AADAT: variants seen among roughly 807,000 people sequenced by gnomAD.
The protein encoded by AADAT is aminoadipate aminotransferase.
Under a neutral mutation model 56.2 loss-of-function variants are expected in AADAT, and 25 were observed. The ratio of observed to expected loss-of-function variants is 0.44; its 90% confidence interval spans 0.32 to 0.62. The LOEUF is 0.62. Ranked by LOEUF, AADAT falls within the 20% of genes least tolerant of loss-of-function variation. The pLI, the probability that AADAT is intolerant of heterozygous loss-of-function variation, is 0.04. For synonymous variants in AADAT, 173 were observed against 164.7 expected, an observed-to-expected ratio of 1.05 and a Z score of -0.39; for missense variants, 387 against 510.5, an observed-to-expected ratio of 0.76 and a Z score of 2.33.
intron 3 of AADAT, 66 bp downstream of exon 3, chr4:170,087,050 C>G: frequency 6.3e-7 from 1 of 1,577,778 alleles, no homozygotes; most frequent in Non-Finnish European, 8.6e-7. Flanking sequence ...TGGTTAAGTG[C>G]GAGAGGACTA....
intron 5 of AADAT, among the ~76,000 whole-genome samples, chr4:170,072,523 T>C (rs1731825584): frequency 1.3e-5 from 2 of 152,176 alleles, no homozygotes; most frequent in Non-Finnish European, 2.9e-5. Context: ...GACTAAATTC[T>C]ATAGAGTTTA....
rs145059849 is a variant in AADAT at position 170,075,605 on chromosome 4, A to G, written c.445-2260T>C. Among the ~76,000 whole-genome samples the G allele has an allele frequency of 3.9e-3, 593 of 152,348 alleles. 3 individuals are homozygous for G. Among genetic ancestry groups the G allele is most frequent in the African/African-American group, 0.013 (558 of 41,578 alleles). On this transcript the variant is annotated intron_variant, in intron 4 of 12. Coordinates refer to ENST00000337664, the MANE Select transcript of AADAT (RefSeq NM_016228.4). ...ATTACAGGCGTGAGCCACCTCGTCT[A>G]GTCCATTTTAACTACTTTTAGGAGT... is the stretch of plus-strand genomic sequence containing the variant.
intron 2 of AADAT, among the ~76,000 whole-genome samples, chr4:170,088,050 ATCT>A (rs1055565655): frequency 4.0e-5 from 6 of 151,322 alleles, no homozygotes; most frequent in African/African-American, 1.2e-4. Context: ...TCACCTGGAC[ATCT>A]TCTCATTTTT....
chr4:170,060,964 G>A lies in AADAT; in HGVS notation c.1242C>T (p.Phe414=). ...SASPEQMDVA[F]QVLAQLIKES... ...CTTTTATAAGTTGTGCTAATACCTG[G>A]AAGGCCTAAAACAGAAAAAAAAAAT... Residue 414 remains phenylalanine, a synonymous_variant, in exon 13 of 13, where the codon TTC becomes TTT. Coordinates refer to ENST00000337664, the MANE Select transcript of AADAT (RefSeq NM_016228.4). 6.5e-7 allele frequency: 1 copy of A among 1,530,496 alleles called. No homozygotes were observed. The highest frequency in any genetic ancestry group is 8.8e-7 in the Non-Finnish European group (1 of 1,137,596). 94.8% of individuals were successfully genotyped at this position (1,530,496 alleles called of 1,614,324 possible).
intron 7 of AADAT, 66 bp from the exon 8 acceptor site, chr4:170,068,753 G>T: frequency 9.7e-7 from 1 of 1,036,096 alleles, no homozygotes; most frequent in Non-Finnish European, 1.4e-6. Context: ...TCACTTTCCT[G>T]ATTTCATTAG....
At chr4:170,070,155 G>A (rs368867866) in intron 6 of AADAT, among the ~76,000 whole-genome samples, 2 of 151,786 alleles carry the variant, frequency 1.3e-5, no homozygotes, top group South Asian at 2.1e-4. Context: ...GCTTGAGCAC[G>A]GCTTCCTAAT....
rs1455567118 is a variant in AADAT at position 170,064,814 on chromosome 4, A to G, written c.1039T>C (p.Trp347Arg). 1 of 1,609,928 alleles carries G rather than the reference A, an allele frequency of 6.2e-7. No homozygotes were observed. Among genetic ancestry groups the G allele is most frequent in the Non-Finnish European group, 8.5e-7 (1 of 1,179,158 alleles). The change falls in exon 11 of 13, where the codon TGG becomes CGG. Residue 347 changes from tryptophan (W) to arginine (R), a missense_variant. Physicochemically the swap from Trp to Arg is moderately radical, Grantham distance 101. Transcript: ENST00000337664. The stretch of plus-strand genomic sequence containing the variant: ...AACATTCCAGCAGCAGGAACATGCC[A>G]TTCTGCCAAACCTACAAACAAAAGA... ...ADKWLTGLAE[W>R]HVPAAGMFLW...
At chr4:170,081,227 T>C (rs1045427117) in intron 3 of AADAT, among the ~76,000 whole-genome samples, 1 of 151,560 alleles carries the variant, frequency 6.6e-6, no homozygotes, top group Non-Finnish European at 1.5e-5. Flanking sequence ...GAAGGAAAAA[T>C]AGGTAAGCTT....
Position 170,070,744 on chromosome 4 carries a change from G to A in AADAT, c.655-92C>T, listed in dbSNP as rs890772757. On this transcript the variant is annotated intron_variant, in intron 5 of 12. Transcript: ENST00000337664. ...AATTCATTTGGAATTATAATTCTTT[G>A]TACTCATTCAAGGAACTACTGTGTG... 71 of 926,216 alleles carry A rather than the reference G, an allele frequency of 7.7e-5. No homozygotes were observed. The African/African-American group carries it at 1.0e-3, about 13-fold the overall frequency. The allele number at this position is 926,216 out of a possible 1,614,324, so 57.4% of individuals were successfully genotyped here.
intron 3 of AADAT, among the ~76,000 whole-genome samples, chr4:170,085,897 A>C (rs1018533201): frequency 5.3e-5 from 8 of 152,176 alleles, no homozygotes; most frequent in Admixed American, 5.2e-4. Context: ...TCCATGAAAA[A>C]GAAAACTACT....
chr4:170,089,740 GAAAAACC>G lies in AADAT; in HGVS notation c.-57_-51del. 1 of 1,598,266 alleles carries G rather than the reference GAAAAACC, an allele frequency of 6.3e-7. No individual in the cohort carries two copies. The highest frequency in any genetic ancestry group is 8.6e-7 in the Non-Finnish European group (1 of 1,167,300). On this transcript the variant is annotated 5_prime_UTR_variant, in exon 1 of 13. Coordinates refer to ENST00000337664, the MANE Select transcript of AADAT (RefSeq NM_016228.4). ...CTTCTTCTTCAGTGGTTGAGGACTA[GAAAAACC>G]AAAGAGCCTCGTCAAGTCCTGCCTG...
intron 2 of AADAT, 87 bp from the exon 3 acceptor site, chr4:170,087,335 C>A: frequency 7.6e-7 from 1 of 1,309,352 alleles, no homozygotes; most frequent in Non-Finnish European, 1.1e-6. Flanking sequence ...ACAGCTTTAT[C>A]AAGCACTTTG....
chr4:170,092,517 C>G (rs1209023660), upstream of AADAT, among the ~76,000 whole-genome samples: 1 of 152,236 alleles, frequency 6.6e-6, no homozygotes, highest in African/African-American at 2.4e-5. Flanking sequence ...TGTTAACACA[C>G]CGCGAGTGTC....
chr4:170,073,417 T>C, intron 4 of AADAT, 72 bp from the exon 5 acceptor site: 2 of 1,322,718 alleles, frequency 1.5e-6, no homozygotes, highest in East Asian at 2.4e-5. Context: ...TTTTTTTTTC[T>C]TTCTAACTAA....
chr4:170,091,173 C>T (rs1426182364), upstream of AADAT, among the ~76,000 whole-genome samples: 3 of 152,210 alleles, frequency 2.0e-5, no homozygotes, highest in East Asian at 1.9e-4. Context: ...TGTGGGAGCC[C>T]CTTCCTGGGA....
chr4:170,073,244 A>T lies in AADAT; in HGVS notation c.546T>A (p.Asp182Glu), dbSNP rs1304752701. The change falls in exon 5 of 13, where the codon GAT (aspartate) becomes GAA (glutamate). Residue 182 changes from aspartate to glutamate, a missense_variant. Physicochemically the swap from Asp to Glu is conservative, Grantham distance 45. Transcript: ENST00000337664. ...RDILSRWKPE[D>E]AKNPQKNTPK... ...GGGTGTTTTTCTGGGGATTCTTTGC[A>T]TCTTCTGGTTTCCATCTGGAAAGTA... The T allele has an allele frequency of 6.2e-7, 1 of 1,613,974 alleles. No individual in the cohort carries two copies. Among genetic ancestry groups the T allele is most frequent in the Non-Finnish European group, 8.5e-7 (1 of 1,180,022 alleles).
chr4:170,088,497 C>T lies in AADAT; in HGVS notation c.135G>A (p.Met45Ile). 1.2e-6 allele frequency: 2 copies of T among 1,613,800 alleles called. No individual in the cohort carries two copies. Among genetic ancestry groups the T allele is most frequent in the Non-Finnish European group, 1.7e-6 (2 of 1,179,766 alleles). The change falls in exon 2 of 13, where the codon ATG (methionine) becomes ATA (isoleucine). Residue 45 changes from methionine (M) to isoleucine (I), a missense_variant. Transcript: ENST00000337664. ...SLAGGLPNPN[M>I]FPFKTAVITV... is the part of the protein sequence containing the mutation. ...TGATTACGGCAGTCTTAAAAGGAAA[C>T]ATGTTTGGATTTGGTAAGCCACCAG...
chr4:170,089,161 AG>A, intron 1 of AADAT: 1 of 281,598 alleles, frequency 3.6e-6, no homozygotes, highest in Non-Finnish European at 7.0e-6. Flanking sequence ...GAGAAGGCAG[AG>A]GGATCAGAAA....
rs760865515 is a variant in AADAT, at chr4:170,073,223, G to A, written c.567C>T (p.Asn189=). The change falls in exon 5 of 13, where the codon AAC becomes AAT. Residue 189 remains asparagine, a synonymous_variant. Coordinates refer to ENST00000337664, the MANE Select transcript of AADAT (RefSeq NM_016228.4). ...KPEDAKNPQK[N]TPKFLYTVPN... is the part of the protein sequence containing the mutation. Reference sequence around the variant, plus strand: ...GAACAGTATAAAGAAATTTGGGGGTGTTTTTCTGGGGATTCTTTGCATCTT... The same window carrying A: ...GAACAGTATAAAGAAATTTGGGGGTATTTTTCTGGGGATTCTTTGCATCTT... The A allele has an allele frequency of 3.1e-6, 5 of 1,614,058 alleles. No individual in the cohort carries two copies. In the Admixed American group the frequency reaches 8.3e-5, roughly 27 times the overall value.
Sources: gnomAD v4.1 joint callset for allele counts (sites outside exome capture counted in the v4.1 genomes callset) on GRCh38, gnomAD v4.1.1 for gene constraint, MANE v1.5 for transcripts, NCBI Gene and HGNC (gene_info 2026-07-23, HGNC 2026-07-21) for gene names.